The following CDC42BPA variants were observed in gnomAD, a reference collection of about 807,000 sequenced individuals.
CDC42BPA encodes the protein CDC42 binding protein kinase alpha, also known as serine/threonine-protein kinase MRCK alpha.
CDC42BPA carries 80 observed loss-of-function variants against 223.5 expected under a neutral mutation model. That is an observed-to-expected ratio of 0.36 (90% CI 0.30 to 0.43). The LOEUF (loss-of-function observed/expected upper bound fraction) is 0.43. Ranked by LOEUF, CDC42BPA falls within the 20% of genes least tolerant of loss-of-function variation. CDC42BPA has a pLI of 1.00. For missense variants in CDC42BPA, 1,743 were observed against 2,099.9 expected (o/e 0.83, Z 3.32); for synonymous variants, 694 against 718.6 (o/e 0.97, Z 0.55).
chr1:227,152,201 T>C (rs1002952321), intron 6 of CDC42BPA, among the ~76,000 whole-genome samples: 9 of 152,204 alleles, frequency 5.9e-5, no homozygotes, highest in African/African-American at 2.2e-4. Flanking sequence ...GATCGTGCCC[T>C]TTGATGTACA....
intron 3 of CDC42BPA, among the ~76,000 whole-genome samples, chr1:227,212,771 T>C (rs983238823): frequency 1.1e-4 from 16 of 152,208 alleles, no homozygotes; most frequent in Admixed American, 3.9e-4. Flanking sequence ...TGCTGACTTT[T>C]GCTTGTAGCA....
intron 1 of CDC42BPA, among the ~76,000 whole-genome samples, chr1:227,260,804 G>A (rs1445112281): frequency 6.6e-6 from 1 of 150,830 alleles, no homozygotes; most frequent in Non-Finnish European, 1.5e-5. Context: ...AATAACATAA[G>A]AATCTGGAAC....
At chr1:227,152,335 T>C (rs10799393) in intron 6 of CDC42BPA, among the ~76,000 whole-genome samples, 108,828 of 151,958 alleles carry the variant, frequency 0.72, 39,186 homozygotes, top group South Asian at 0.86. Flanking sequence ...CTATTTTTTT[T>C]CTAAGAGTTT....
chr1:227,202,550 C>T (rs962071223), intron 3 of CDC42BPA, among the ~76,000 whole-genome samples: 1 of 152,124 alleles, frequency 6.6e-6, no homozygotes, highest in Non-Finnish European at 1.5e-5. Flanking sequence ...GCTCCAAAGA[C>T]TTTAGTCAAC....
At chr1:227,230,484 CTT>C (rs773056615) in intron 2 of CDC42BPA, among the ~76,000 whole-genome samples, 14 of 152,118 alleles carry the variant, frequency 9.2e-5, no homozygotes, top group Admixed American at 3.3e-4. Flanking sequence ...GTTTTCAAGT[CTT>C]TTGAATAATA....
In CDC42BPA at chr1:227,245,629, A is replaced by G. The variant is rs549641266; in HGVS notation, c.270+8435T>C. On this transcript the variant is annotated intron_variant, in intron 2 of 36. Coordinates refer to ENST00000366766, the MANE Select transcript of CDC42BPA (RefSeq NM_001394014.1). ...GCATCTTGGATACTAGCTCAGCCAC[A>G]CTAGAACAGAGCACCAGGCAGAGCC... Among the ~76,000 whole-genome samples, 3 of 152,258 alleles carry G rather than the reference A, an allele frequency of 2.0e-5. No individual in the cohort carries two copies. The East Asian group carries it at 5.8e-4, about 29-fold the overall frequency.
At chr1:227,001,910 AAAAAC>A (rs1162428738) in intron 35 of CDC42BPA, among the ~76,000 whole-genome samples, 15 of 152,186 alleles carry the variant, frequency 9.9e-5, no homozygotes, top group South Asian at 6.2e-4. Context: ...CTGTCTCAAA[AAAAAC>A]AAAAACAAAA....
chr1:227,241,894 A>G (rs1680084074), intron 2 of CDC42BPA, among the ~76,000 whole-genome samples: 1 of 152,164 alleles, frequency 6.6e-6, no homozygotes, highest in South Asian at 2.1e-4. Context: ...GCATTATTAA[A>G]AAGAAATAAC....
intron 9 of CDC42BPA, 129 bp downstream of exon 9, chr1:227,142,816 C>T (rs992992446): frequency 2.0e-5 from 9 of 454,062 alleles, no homozygotes; most frequent in African/African-American, 1.5e-4. Context: ...GATGGGGTTT[C>T]ACCATATTGG....
chr1:227,199,956 G>T (rs1671427346), intron 3 of CDC42BPA, among the ~76,000 whole-genome samples: 2 of 152,078 alleles, frequency 1.3e-5, no homozygotes, highest in Non-Finnish European at 2.9e-5. Flanking sequence ...TCTACATTTT[G>T]CCATATTTAC....
chr1:227,127,675 C>CA (rs1312216593), intron 11 of CDC42BPA, among the ~76,000 whole-genome samples: 1 of 152,092 alleles, frequency 6.6e-6, no homozygotes, highest in Non-Finnish European at 1.5e-5. Flanking sequence ...TCCCAATCTA[C>CA]AATAACTTAC....
intron 14 of CDC42BPA, among the ~76,000 whole-genome samples, chr1:227,107,522 G>A (rs1031662079): frequency 3.3e-5 from 5 of 152,144 alleles, no homozygotes; most frequent in African/African-American, 1.2e-4. Context: ...CGAAGTCTCA[G>A]GTGATCCTCC....
chr1:227,299,528 A>C, intron 1 of CDC42BPA, among the ~76,000 whole-genome samples: 1 of 152,300 alleles, frequency 6.6e-6, no homozygotes, highest in East Asian at 1.9e-4. Context: ...ACCCTATTTT[A>C]AGCTGTAAAT....
At chr1:227,302,052 G>A (rs1189310470) in intron 1 of CDC42BPA, among the ~76,000 whole-genome samples, 1 of 152,078 alleles carries the variant, frequency 6.6e-6, no homozygotes, top group African/African-American at 2.4e-5. Flanking sequence ...CTTCTGAACT[G>A]CATCCTGTCT....
At chr1:227,172,506 T>C (rs961499866) in intron 5 of CDC42BPA, among the ~76,000 whole-genome samples, 1 of 152,156 alleles carries the variant, frequency 6.6e-6, no homozygotes, top group Non-Finnish European at 1.5e-5. Flanking sequence ...AAGACTACTA[T>C]GAAATTCAAA....
chr1:227,202,055 C>T (rs1671864804), intron 3 of CDC42BPA, among the ~76,000 whole-genome samples: 1 of 152,196 alleles, frequency 6.6e-6, no homozygotes, highest in Non-Finnish European at 1.5e-5. Flanking sequence ...GTGATCTCAG[C>T]TCACTGCAAC....
chr1:227,271,791 C>T (rs1349533348), intron 1 of CDC42BPA, among the ~76,000 whole-genome samples: 1 of 152,118 alleles, frequency 6.6e-6, no homozygotes, highest in Non-Finnish European at 1.5e-5. Context: ...AAATGGGAAA[C>T]ATTCTGGGTA....
intron 34 of CDC42BPA, among the ~76,000 whole-genome samples, chr1:227,009,639 C>T (rs1457905043): frequency 6.6e-6 from 1 of 152,018 alleles, no homozygotes; most frequent in Admixed American, 6.6e-5. Context: ...TTGTCTCAAA[C>T]TCCTAGGCTC....
chr1:227,048,252 TATAAAA>T (rs1672856410), intron 22 of CDC42BPA, among the ~76,000 whole-genome samples: 1 of 151,998 alleles, frequency 6.6e-6, no homozygotes, highest in Non-Finnish European at 1.5e-5. Context: ...AGTCTGGAAA[TATAAAA>T]ATAAATCATT....
Sources: allele counts gnomAD v4.1 joint callset (sites outside exome capture counted in the v4.1 genomes callset), GRCh38; gene constraint gnomAD v4.1.1; transcripts MANE v1.5; gene names NCBI Gene and HGNC (gene_info 2026-07-23, HGNC 2026-07-21).